The following STAU2 variants were observed in gnomAD, a reference collection of about 807,000 sequenced individuals.
STAU2 encodes the protein staufen double-stranded RNA binding protein 2.
STAU2 carries 20 observed loss-of-function variants against 65.9 expected under a neutral mutation model. The observed-to-expected ratio is 0.30, with a 90% CI of 0.21 to 0.44. STAU2 has a LOEUF of 0.44. Among genes scored for constraint, STAU2 ranks in the 20% least tolerant of loss-of-function variants. The pLI is 1.00. For missense variants in STAU2, 558 were observed against 683.9 expected (o/e 0.82, Z 2.05); for synonymous variants, 232 against 233.9 (o/e 0.99, Z 0.07).
intron 13 of STAU2, among the ~76,000 whole-genome samples, chr8:73,429,490 T>G (rs1817103021): frequency 7.4e-6 from 1 of 135,646 alleles, no homozygotes; most frequent in Admixed American, 8.1e-5. Flanking sequence ...TGGAGTGCAG[T>G]GGTGTGATCA....
Position 73,552,301 on chromosome 8 carries a change from TGAA to T in STAU2, c.1238_1240del (p.Leu413del). 1 of 1,611,814 alleles carries T rather than the reference TGAA, an allele frequency of 6.2e-7. No individual in the cohort carries two copies. The highest frequency in any genetic ancestry group is 8.5e-7 in the Non-Finnish European group (1 of 1,178,938). ...CTCTTGATAAACATCAGGAGACAAA[TGAA>T]GAATTCCTTTTGGAGCTATAAATAA... On this transcript the variant is annotated inframe_deletion, in exon 13 of 15. Coordinates refer to ENST00000524300, the MANE Select transcript of STAU2 (RefSeq NM_001164380.2).
chr8:73,474,630 T>C (rs1467322022), intron 13 of STAU2, among the ~76,000 whole-genome samples: 1 of 152,034 alleles, frequency 6.6e-6, no homozygotes, highest in Non-Finnish European at 1.5e-5. Context: ...TTCATCTTAA[T>C]GGGTGTGTCT....
intron 13 of STAU2, among the ~76,000 whole-genome samples, chr8:73,508,601 T>A (rs1169057176): frequency 6.6e-6 from 1 of 152,120 alleles, no homozygotes; most frequent in East Asian, 1.9e-4. Context: ...GCACATGTTG[T>A]TGGAAAAATG....
At chr8:73,589,430 G>A (rs1005126844) in intron 11 of STAU2, among the ~76,000 whole-genome samples, 2 of 152,094 alleles carry the variant, frequency 1.3e-5, no homozygotes, top group African/African-American at 4.8e-5. Flanking sequence ...CTTTCAGAAA[G>A]GTATTTTACA....
intron 6 of STAU2, among the ~76,000 whole-genome samples, chr8:73,661,469 C>T (rs1816828908): frequency 1.3e-5 from 2 of 152,176 alleles, no homozygotes. Context: ...GTAAAATTTA[C>T]ATTTAATGAA....
chr8:73,742,577 A>G (rs1806964010), intron 1 of STAU2, among the ~76,000 whole-genome samples: 1 of 151,906 alleles, frequency 6.6e-6, no homozygotes. Flanking sequence ...CTATCACAAA[A>G]GTTTCCAGCT....
At chr8:73,648,987 G>A (rs2130199499) in intron 6 of STAU2, among the ~76,000 whole-genome samples, 1 of 152,098 alleles carries the variant, frequency 6.6e-6, no homozygotes, top group Non-Finnish European at 1.5e-5. Flanking sequence ...TTAATTTTTT[G>A]TAGAGACTAA....
intron 13 of STAU2, among the ~76,000 whole-genome samples, chr8:73,480,856 T>G (rs1213286189): frequency 6.6e-6 from 1 of 151,928 alleles, no homozygotes; most frequent in Non-Finnish European, 1.5e-5. Context: ...CATACTAAAG[T>G]ACACACTCAG....
At chr8:73,738,146 T>C in intron 3 of STAU2, 138 bp downstream of exon 3, 2 of 757,900 alleles carry the variant, frequency 2.6e-6, no homozygotes, top group Non-Finnish European at 4.5e-6. Flanking sequence ...CCTCCAATGA[T>C]GACTATACAG....
At chr8:73,464,117 G>A (rs1819520423) in intron 13 of STAU2, among the ~76,000 whole-genome samples, 1 of 152,110 alleles carries the variant, frequency 6.6e-6, no homozygotes, top group African/African-American at 2.4e-5. Context: ...AACTTTTCCG[G>A]GATATTGCCT....
intron 13 of STAU2, chr8:73,549,694 G>A (rs904908812): frequency 1.1e-5 from 11 of 985,304 alleles, no homozygotes; most frequent in South Asian, 4.7e-5. Flanking sequence ...ATTGCAATGG[G>A]CAAGGAAAGC....
chr8:73,602,325 A>C (rs1811694972), intron 10 of STAU2, among the ~76,000 whole-genome samples: 1 of 152,202 alleles, frequency 6.6e-6, no homozygotes, highest in South Asian at 2.1e-4. Context: ...CATGGTCAGC[A>C]CTTAATATTT....
chr8:73,504,401 C>A (rs996278828), intron 13 of STAU2, among the ~76,000 whole-genome samples: 5 of 152,096 alleles, frequency 3.3e-5, no homozygotes, highest in Admixed American at 6.6e-5. Flanking sequence ...TAAGTTGTCA[C>A]AAAATATTCA....
chr8:73,717,069 T>G (rs1430398028), intron 3 of STAU2, among the ~76,000 whole-genome samples: 2 of 151,994 alleles, frequency 1.3e-5, no homozygotes, highest in African/African-American at 4.8e-5. Context: ...ACCACTGCAC[T>G]CCAGCCTGGG....
intron 11 of STAU2, among the ~76,000 whole-genome samples, chr8:73,590,023 G>A (rs1331277028): frequency 6.7e-6 from 1 of 149,280 alleles, no homozygotes; most frequent in Non-Finnish European, 1.5e-5. Context: ...GAGAGAAGAA[G>A]AACAATAGGG....
intron 13 of STAU2, among the ~76,000 whole-genome samples, chr8:73,423,909 G>A (rs1478034413): frequency 6.6e-6 from 1 of 152,074 alleles, no homozygotes; most frequent in Non-Finnish European, 1.5e-5. Flanking sequence ...ATCATTAACT[G>A]AAGTCCATGG....
At chr8:73,490,582 C>T (rs936082977) in intron 13 of STAU2, among the ~76,000 whole-genome samples, 22 of 152,088 alleles carry the variant, frequency 1.4e-4, no homozygotes, top group African/African-American at 3.4e-4. Flanking sequence ...CAAAGATACA[C>T]GGCCTTTACT....
chr8:73,505,140 T>C (rs765636781), intron 13 of STAU2, among the ~76,000 whole-genome samples: 3 of 152,118 alleles, frequency 2.0e-5, no homozygotes, highest in African/African-American at 4.8e-5. Flanking sequence ...AAGTCATCGT[T>C]CTCCAAAAGG....
intron 6 of STAU2, chr8:73,653,816 G>A: frequency 4.9e-6 from 2 of 407,644 alleles, no homozygotes; most frequent in Middle Eastern, 6.9e-4. Context: ...GAGAGATACA[G>A]TATGCAGCAT....
Sources: gnomAD v4.1 joint callset for allele counts (sites outside exome capture counted in the v4.1 genomes callset) on GRCh38, gnomAD v4.1.1 for gene constraint, MANE v1.5 for transcripts, NCBI Gene and HGNC (gene_info 2026-07-23, HGNC 2026-07-21) for gene names.